Variants in CNTNAP4 observed in about 807,000 individuals in gnomAD.
CNTNAP4 encodes contactin-associated protein-like 4.
CNTNAP4 carries 98 observed loss-of-function variants against 148.4 expected under a neutral mutation model. The observed-to-expected ratio is 0.66, with a 90% CI of 0.56 to 0.78. The LOEUF (loss-of-function observed/expected upper bound fraction) is 0.78. Among genes scored for constraint, CNTNAP4 ranks in the 30% least tolerant of loss-of-function variants. The pLI, the probability that CNTNAP4 is intolerant of heterozygous loss-of-function variation, is 0.00. For synonymous variants in CNTNAP4, 730 were observed against 565.1 expected (o/e 1.29, Z -4.14); for missense variants, 1,935 against 1,565.6 (o/e 1.24, Z -3.98).
intron 9 of CNTNAP4, among the ~76,000 whole-genome samples, chr16:76,465,690 G>T (rs1001155844): frequency 2.6e-5 from 4 of 152,126 alleles, no homozygotes; most frequent in Non-Finnish European, 5.9e-5. Flanking sequence ...TACATACTGA[G>T]ATTATGGTAA....
At chr16:76,519,886 A>G (rs780987647) in intron 15 of CNTNAP4, among the ~76,000 whole-genome samples, 1 of 152,220 alleles carries the variant, frequency 6.6e-6, no homozygotes, top group Non-Finnish European at 1.5e-5. Context: ...TAGAAGCATT[A>G]TTCGGTCTAG....
intron 15 of CNTNAP4, among the ~76,000 whole-genome samples, chr16:76,501,949 G>A (rs1159857741): frequency 6.6e-6 from 1 of 151,198 alleles, no homozygotes; most frequent in Non-Finnish European, 1.5e-5. Context: ...GGCGCCTGTA[G>A]TCCCAGCTAC....
chr16:76,378,671 G>C (rs2015669846), intron 3 of CNTNAP4, among the ~76,000 whole-genome samples: 1 of 152,174 alleles, frequency 6.6e-6, no homozygotes, highest in Non-Finnish European at 1.5e-5. Context: ...TATTCTTGCA[G>C]TCTCAGCCCT....
intron 8 of CNTNAP4, among the ~76,000 whole-genome samples, chr16:76,455,135 TA>T (rs1471804772): frequency 8.5e-5 from 13 of 152,338 alleles, no homozygotes; most frequent in African/African-American, 2.2e-4. Context: ...AGCATCACTA[TA>T]AAATCCCTTA....
chr16:76,550,067 C>T (rs1361376500), intron 21 of CNTNAP4, among the ~76,000 whole-genome samples: 1 of 152,138 alleles, frequency 6.6e-6, no homozygotes, highest in African/African-American at 2.4e-5. Context: ...AGAAGTAATA[C>T]AGCCAGAAGA....
At chr16:76,401,710 G>A (rs1429845394) in intron 3 of CNTNAP4, among the ~76,000 whole-genome samples, 1 of 152,074 alleles carries the variant, frequency 6.6e-6, no homozygotes, top group Non-Finnish European at 1.5e-5. Context: ...TTTGAAGTAT[G>A]TTCCTTCAAT....
intron 1 of CNTNAP4, among the ~76,000 whole-genome samples, chr16:76,281,444 G>A (rs1958685265): frequency 6.6e-6 from 1 of 151,932 alleles, no homozygotes. Context: ...AATAATCTCT[G>A]ATAAAGGCAG....
At chr16:76,423,169 T>G (rs1360770962) in intron 3 of CNTNAP4, among the ~76,000 whole-genome samples, 3 of 152,238 alleles carry the variant, frequency 2.0e-5, no homozygotes, top group African/African-American at 7.2e-5. Context: ...AAAATAAATT[T>G]TTGTTGTTTA....
chr16:76,453,720 A>G (rs1202154724), intron 8 of CNTNAP4, among the ~76,000 whole-genome samples: 1 of 152,142 alleles, frequency 6.6e-6, no homozygotes. Context: ...ATACGAGAAA[A>G]CAAGTATACA....
At chr16:76,322,998 C>G (rs1019339657) in intron 2 of CNTNAP4, among the ~76,000 whole-genome samples, 2 of 151,892 alleles carry the variant, frequency 1.3e-5, no homozygotes, top group Non-Finnish European at 2.9e-5. Context: ...CCACACCCAC[C>G]TAATTTTTTT....
chr16:76,516,741 T>A (rs1361707565), intron 15 of CNTNAP4, among the ~76,000 whole-genome samples: 2 of 152,212 alleles, frequency 1.3e-5, no homozygotes, highest in Non-Finnish European at 2.9e-5. Flanking sequence ...GAACTATTGA[T>A]ACAGAAAACA....
intron 3 of CNTNAP4, among the ~76,000 whole-genome samples, chr16:76,372,109 T>C (rs2144635013): frequency 6.6e-6 from 1 of 151,952 alleles, no homozygotes; most frequent in East Asian, 1.9e-4. Flanking sequence ...ACTTATATGT[T>C]GGCTGATAAT....
intron 21 of CNTNAP4, among the ~76,000 whole-genome samples, chr16:76,551,740 T>TG (rs1220229263): frequency 6.6e-6 from 1 of 152,220 alleles, no homozygotes; most frequent in Non-Finnish European, 1.5e-5. Flanking sequence ...TTTAGAACAC[T>TG]GGCTAGCACA....
At chr16:76,329,804 A>G (rs1215506115) in intron 2 of CNTNAP4, among the ~76,000 whole-genome samples, 2 of 152,262 alleles carry the variant, frequency 1.3e-5, no homozygotes, top group African/African-American at 2.4e-5. Context: ...TTGGCTGTAT[A>G]AAATATAACT....
chr16:76,515,955 G>T (rs1227553627), intron 15 of CNTNAP4, among the ~76,000 whole-genome samples: 1 of 152,152 alleles, frequency 6.6e-6, no homozygotes, highest in Non-Finnish European at 1.5e-5. Context: ...TTTAAGTTCT[G>T]GGATACATGT....
intron 21 of CNTNAP4, among the ~76,000 whole-genome samples, chr16:76,549,689 A>C (rs2084884252): frequency 6.6e-6 from 1 of 152,208 alleles, no homozygotes; most frequent in Admixed American, 6.5e-5. Context: ...CAAACAAAAA[A>C]TATAACAGGA....
chr16:76,503,354 AAAG>A (rs2082723630), intron 15 of CNTNAP4, among the ~76,000 whole-genome samples: 1 of 152,166 alleles, frequency 6.6e-6, no homozygotes, highest in African/African-American at 2.4e-5. Context: ...GTTGCCATTA[AAAG>A]AAGTGGCAAA....
chr16:76,454,667 T>C (rs911520918), intron 8 of CNTNAP4, among the ~76,000 whole-genome samples: 1 of 152,204 alleles, frequency 6.6e-6, no homozygotes, highest in East Asian at 1.9e-4. Flanking sequence ...ATAGACTATT[T>C]AAATGGTAGT....
intron 2 of CNTNAP4, among the ~76,000 whole-genome samples, chr16:76,346,321 A>C (rs1830718095): frequency 6.7e-6 from 1 of 150,302 alleles, no homozygotes; most frequent in African/African-American, 2.4e-5. Flanking sequence ...CATTAAGTGG[A>C]AATGATGTCT....
Sources: allele counts gnomAD v4.1 joint callset (sites outside exome capture counted in the v4.1 genomes callset), GRCh38; gene constraint gnomAD v4.1.1; transcripts MANE v1.5; gene names NCBI Gene and HGNC (gene_info 2026-07-23, HGNC 2026-07-21).